Variants in WBP11 observed in about 807,000 individuals in gnomAD.
WBP11 encodes WW domain-binding protein 11.
In WBP11, 12 loss-of-function variants were observed where a neutral mutation model predicts 66.7. That is an observed-to-expected ratio of 0.18 (90% CI 0.12 to 0.29). The LOEUF is 0.29. Ranked by LOEUF, WBP11 falls within the 10% of genes least tolerant of loss-of-function variation. WBP11 has a pLI of 1.00. For synonymous variants in WBP11, 255 were observed against 273.8 expected, an observed-to-expected ratio of 0.93 and a Z score of 0.68; for missense variants, 555 against 818.3, an observed-to-expected ratio of 0.68 and a Z score of 3.93.
At position 14,794,685 on chromosome 12, in the gene WBP11, T is replaced by C; in HGVS notation, c.573A>G (p.Pro191=). 1.2e-6 allele frequency: 2 copies of C among 1,605,376 alleles called. No individual in the cohort carries two copies. The highest frequency in any genetic ancestry group is 1.7e-6 in the Non-Finnish European group (2 of 1,176,040). Residue 191 remains proline (P), a synonymous_variant, in exon 7 of 12, where the codon CCA becomes CCG. Transcript: ENST00000261167. ...SILPLLGHGV[P]RLPPGRKPPG... Reference sequence around the variant, plus strand: ...GAGGTTTTCTGCCAGGGGGCAAACGTGGAACACCATGTCCAAGAAGAGGAA... The same window carrying C: ...GAGGTTTTCTGCCAGGGGGCAAACGCGGAACACCATGTCCAAGAAGAGGAA...
intron 11 of WBP11, 29 bp downstream of exon 11, chr12:14,788,922 G>A: frequency 7.5e-7 from 1 of 1,325,444 alleles, no homozygotes; most frequent in South Asian, 1.8e-5. Context: ...AGCAGGCTAA[G>A]TTTTTATTAT....
Position 14,796,094 on chromosome 12 carries a change from G to T in WBP11, c.387+713C>A, listed in dbSNP as rs565176748. 6.6e-6 allele frequency among the ~76,000 whole-genome samples: 1 copy of T among 152,108 alleles called. No individual in the cohort carries two copies. The highest frequency in any genetic ancestry group is 1.9e-4 in the East Asian group (1 of 5,176). ...TTTTTTTCCTGCACAGATTATCTGT[G>T]ACTATTCTAGAATTTCATAAAAATG... On this transcript the variant is annotated intron_variant, in intron 5 of 11. Coordinates refer to ENST00000261167, the MANE Select transcript of WBP11 (RefSeq NM_016312.3). The surrounding 1 kb of genome is among the most constrained non-coding windows in gnomAD (Gnocchi z 4.5).
chr12:14,789,463 T>C (rs1013782695), intron 10 of WBP11, among the ~76,000 whole-genome samples: 4 of 152,060 alleles, frequency 2.6e-5, no homozygotes, highest in African/African-American at 9.7e-5. Context: ...CAGACACCTG[T>C]AATCCCCGCT....
intron 1 of WBP11, among the ~76,000 whole-genome samples, chr12:14,802,837 A>G (rs1055803569): frequency 1.3e-5 from 2 of 152,140 alleles, no homozygotes; most frequent in Admixed American, 6.6e-5. Context: ...CCTCAGGCTC[A>G]TGTTCTGAAT....
Position 14,789,023 on chromosome 12 carries a change from G to A in WBP11, c.1420C>T (p.Pro474Ser), listed in dbSNP as rs1476240739. ...PGRPPGPPPG[P>S]PPGLPPGPPP... ...GGACCAGGAGGCAGACCTGGAGGTG[G>A]ACCTGGGGGAGGGCCAGGGGGTCGG... is the stretch of plus-strand genomic sequence containing the variant. Residue 474 changes from proline to serine, a missense_variant, in exon 11 of 12, where the codon CCA becomes TCA. Physicochemically the swap from Pro to Ser is moderately conservative, Grantham distance 74. Transcript: ENST00000261167. 1 of 1,500,594 alleles carries A rather than the reference G, an allele frequency of 6.7e-7. No homozygotes were observed. The highest frequency in any genetic ancestry group is 1.5e-5 in the African/African-American group (1 of 67,680). The allele number at this position is 1,500,594 out of a possible 1,614,324, so 93.0% of individuals were successfully genotyped here.
At chr12:14,795,876 G>A (rs1422667679) in intron 5 of WBP11, among the ~76,000 whole-genome samples, 2 of 152,210 alleles carry the variant, frequency 1.3e-5, no homozygotes, top group Non-Finnish European at 2.9e-5. Flanking sequence ...AAGGTAACCT[G>A]TGCCTTCATC....
At chr12:14,799,604 C>A (rs1185051149) in intron 4 of WBP11, 31 bp downstream of exon 4, 6 of 1,603,568 alleles carry the variant, frequency 3.7e-6, no homozygotes, top group Non-Finnish European at 5.1e-6. Context: ...ACGTGTCAGA[C>A]TGTTATAGCT....
intron 7 of WBP11, 117 bp from the exon 8 acceptor site, chr12:14,794,039 CAAAA>C (rs34287115): frequency 1.7e-4 from 55 of 331,494 alleles, no homozygotes; most frequent in South Asian, 7.6e-4. Context: ...TAATTCTTAC[CAAAA>C]AAAAAAAAAA....
At chr12:14,801,749 G>A in intron 1 of WBP11, 3 of 184,122 alleles carry the variant, frequency 1.6e-5, no homozygotes, top group South Asian at 1.2e-4. Flanking sequence ...ATGCTTTAAC[G>A]ATATGGCACA....
chr12:14,801,251 A>G, intron 2 of WBP11, 69 bp downstream of exon 2: 1 of 1,485,938 alleles, frequency 6.7e-7, no homozygotes, highest in Non-Finnish European at 9.4e-7. Context: ...CCACAGAGAA[A>G]GAAATTCCCT....
rs764964011 is a variant in WBP11, at chr12:14,791,288, G to A, written c.914-18C>T. On this transcript the variant is annotated intron_variant, in intron 8 of 11. Transcript: ENST00000261167. ...ACTCAGACCTAAGGGGACAAAGGAG[G>A]GAGTGGAGTAGATTGGCATCAACAA... 5.6e-6 allele frequency: 9 copies of A among 1,609,728 alleles called. No individual in the cohort carries two copies. Among genetic ancestry groups the A allele is most frequent in the African/African-American group, 1.3e-5 (1 of 74,762 alleles).
chr12:14,797,400 A>G lies in WBP11; in HGVS notation c.191-397T>C, dbSNP rs1283643180. Among the ~76,000 whole-genome samples the G allele has an allele frequency of 2.0e-5, 3 of 152,324 alleles. No homozygotes were observed. In the East Asian group the frequency reaches 5.8e-4, roughly 29 times the overall value. On this transcript the variant is annotated intron_variant, in intron 4 of 11. Transcript: ENST00000261167. ...TTGCTTCCTCATCTAAAAAATGGAG[A>G]CGTTAATCACTTTGTAATAAAGCTA...
chr12:14,785,660 TAAGAA>T lies in WBP11; in HGVS notation c.*1400_*1404del, dbSNP rs1949745818. On this transcript the variant is annotated 3_prime_UTR_variant, in exon 12 of 12. Transcript: ENST00000261167. ...ATCTAAAAATCCATCAACTCAACTC[TAAGAA>T]AATAAATGCCTTATTGTATTATTGC... is the stretch of plus-strand genomic sequence containing the variant. 1 of 152,192 alleles carries T rather than the reference TAAGAA, an allele frequency of 6.6e-6. No individual in the cohort carries two copies. Among genetic ancestry groups the T allele is most frequent in the Non-Finnish European group, 1.5e-5 (1 of 68,026 alleles). The allele number at this position is 152,192 out of a possible 1,614,324, so 9.4% of individuals were successfully genotyped here.
chr12:14,793,794 C>T lies in WBP11; in HGVS notation c.850G>A (p.Asp284Asn). The T allele has an allele frequency of 6.2e-7, 1 of 1,614,086 alleles. No homozygotes were observed. Among genetic ancestry groups the T allele is most frequent in the Non-Finnish European group, 8.5e-7 (1 of 1,179,990 alleles). ...TCACGGTGCACAAATTCATCCCCGT[C>T]ACTTTCTCCATCTGATTTGTCGGTG... ...SDTDKSDGESDGDEFVHRDNG... is the reference protein window; with the variant it reads ...SDTDKSDGESNGDEFVHRDNG... The change falls in exon 8 of 12, where the codon GAC becomes AAC. Residue 284 changes from aspartate (D) to asparagine (N), a missense_variant. By Grantham distance (23) the Asp-to-Asn change is conservative (BLOSUM62 1). Transcript: ENST00000261167.
chr12:14,791,058 G>T, intron 9 of WBP11, 111 bp downstream of exon 9: 2 of 1,072,598 alleles, frequency 1.9e-6, no homozygotes, highest in Non-Finnish European at 2.7e-6. Context: ...TGTAAAACAA[G>T]GACTTATTAC....
At chr12:14,803,033 C>G (rs1211584963) in intron 1 of WBP11, among the ~76,000 whole-genome samples, 2 of 152,166 alleles carry the variant, frequency 1.3e-5, no homozygotes, top group Admixed American at 1.3e-4. Flanking sequence ...CCAGGTTCAC[C>G]AAAGGAGGCA....
chr12:14,789,588 AAAAAAAATATATCTGAGCACCAG>A, intron 10 of WBP11, among the ~76,000 whole-genome samples: 1 of 152,210 alleles, frequency 6.6e-6, no homozygotes, highest in Admixed American at 6.5e-5. Flanking sequence ...CCGTCTTAAA[AAAAAAAATATATCTGAGCACCAG>A]AAAAATGGTA....
intron 4 of WBP11, among the ~76,000 whole-genome samples, chr12:14,797,786 G>A (rs2137239304): frequency 6.6e-6 from 1 of 152,280 alleles, no homozygotes; most frequent in South Asian, 2.1e-4. Flanking sequence ...AACAAACCTA[G>A]AGCTGCCTGT....
chr12:14,797,143 A>G (rs1187791721), intron 4 of WBP11, 140 bp from the exon 5 acceptor site: 1 of 536,938 alleles, frequency 1.9e-6, no homozygotes, highest in African/African-American at 2.0e-5. Context: ...TTTCAATTTT[A>G]TTCGAAGAAC....
Sources: allele counts gnomAD v4.1 joint callset (sites outside exome capture counted in the v4.1 genomes callset), GRCh38; gene constraint gnomAD v4.1.1; non-coding constraint Gnocchi (gnomAD v3.1); transcripts MANE v1.5; gene names NCBI Gene and HGNC (gene_info 2026-07-23, HGNC 2026-07-21).